IFTAP: variants seen among roughly 807,000 people sequenced by gnomAD.
The protein encoded by IFTAP is intraflagellar transport-associated protein.
In IFTAP, 19 loss-of-function variants were observed where a neutral mutation model predicts 19.4. The ratio of observed to expected loss-of-function variants is 0.98; its 90% CI spans 0.68 to 1.44. IFTAP has a LOEUF of 1.44. IFTAP is among the 40% of genes most tolerant of loss of function. The probability of loss-of-function intolerance (pLI) is 0.00; values close to 1 mark genes in which losing one functional copy is unlikely to be tolerated. For missense variants in IFTAP, 240 were observed against 253.6 expected (o/e 0.95, Z 0.36); for synonymous variants, 85 against 83.5 (o/e 1.02, Z -0.10).
chr11:36,623,109 T>G (rs1401577384), intron 2 of IFTAP, among the ~76,000 whole-genome samples: 3 of 152,144 alleles, frequency 2.0e-5, no homozygotes, highest in African/African-American at 7.2e-5. Flanking sequence ...TTTTACCTTA[T>G]GTACAAATCA....
chr11:36,599,295 A>T (rs778153054), intron 1 of IFTAP, among the ~76,000 whole-genome samples: 2 of 152,142 alleles, frequency 1.3e-5, no homozygotes, highest in African/African-American at 4.8e-5. Flanking sequence ...CGCCCAGCCT[A>T]TAATTTCTAA....
In IFTAP at chr11:36,627,841, T is replaced by TA. The variant is rs899415063; in HGVS notation, c.137-5434dup. Among the ~76,000 whole-genome samples, 48 of 150,224 alleles carry TA rather than the reference T, an allele frequency of 3.2e-4. 2 individuals are homozygous for TA. The highest frequency in any genetic ancestry group is 1.1e-3 in the African/African-American group (44 of 40,184). On this transcript the variant is annotated intron_variant, in intron 2 of 5. Transcript: ENST00000334307. ...TGCACCCACCATCACAGAGATTGTTTAAAAAAAAAGTTATCTAGGGCATGC... is the reference window on the plus strand; with the variant it reads ...TGCACCCACCATCACAGAGATTGTTTAAAAAAAAAAGTTATCTAGGGCATGC...
intron 2 of IFTAP, among the ~76,000 whole-genome samples, chr11:36,627,486 TA>T: frequency 6.6e-6 from 1 of 151,414 alleles, no homozygotes; most frequent in Admixed American, 6.6e-5. Context: ...TGCTTGTCTG[TA>T]AATATTACCT....
At chr11:36,635,599 C>T (rs1158106784) in intron 3 of IFTAP, among the ~76,000 whole-genome samples, 1 of 152,190 alleles carries the variant, frequency 6.6e-6, no homozygotes, top group East Asian at 1.9e-4. Flanking sequence ...AGTTTCTTCT[C>T]TCTGGCTCCT....
intron 5 of IFTAP, among the ~76,000 whole-genome samples, chr11:36,650,019 A>G (rs1019193323): frequency 6.6e-6 from 1 of 152,110 alleles, no homozygotes; most frequent in Non-Finnish European, 1.5e-5. Flanking sequence ...CTCAACTCGT[A>G]TATATTCTGC....
intron 4 of IFTAP, among the ~76,000 whole-genome samples, chr11:36,644,996 A>AATAATG (rs1853420846): frequency 1.2e-5 from 1 of 81,238 alleles, no homozygotes. Context: ...TTTAAAGTAT[A>AATAATG]ATAATAATAA....
intron 2 of IFTAP, among the ~76,000 whole-genome samples, chr11:36,631,945 C>T (rs1337027909): frequency 6.6e-6 from 1 of 151,148 alleles, no homozygotes; most frequent in African/African-American, 2.5e-5. Flanking sequence ...GCTCCCTGCC[C>T]CCACCTTTCT....
chr11:36,655,871 G>A (rs999964197), intron 5 of IFTAP, among the ~76,000 whole-genome samples: 6 of 151,986 alleles, frequency 3.9e-5, no homozygotes, highest in African/African-American at 7.3e-5. Flanking sequence ...TATCTTTACT[G>A]ACTTGCTGAA....
intron 2 of IFTAP, among the ~76,000 whole-genome samples, chr11:36,623,574 C>T (rs573396910): frequency 6.6e-6 from 1 of 152,278 alleles, no homozygotes; most frequent in Admixed American, 6.5e-5. Flanking sequence ...GGCACATGTT[C>T]TGTCCCAAGT....
intron 2 of IFTAP, among the ~76,000 whole-genome samples, chr11:36,630,057 C>T (rs1002548743): frequency 6.6e-6 from 1 of 151,092 alleles, no homozygotes; most frequent in East Asian, 1.9e-4. Flanking sequence ...AAAACAGAAA[C>T]AGAAGAAGAT....
At chr11:36,640,995 A>G (rs1565026041) in intron 4 of IFTAP, among the ~76,000 whole-genome samples, 2 of 151,870 alleles carry the variant, frequency 1.3e-5, no homozygotes, top group African/African-American at 4.8e-5. Flanking sequence ...CCTTTGAAAA[A>G]CTCTATGATT....
intron 2 of IFTAP, among the ~76,000 whole-genome samples, chr11:36,618,429 A>T (rs1315982220): frequency 6.6e-6 from 1 of 152,016 alleles, no homozygotes; most frequent in Admixed American, 6.6e-5. Flanking sequence ...TGGATGTGCT[A>T]CCTCAAAATA....
At chr11:36,598,010 A>G (rs1003119954) in intron 1 of IFTAP, 3 of 152,088 alleles carry the variant, frequency 2.0e-5, no homozygotes, top group African/African-American at 4.8e-5. Flanking sequence ...TGACTAACAC[A>G]CTGCCAAAAT....
At chr11:36,631,884 G>A (rs1000026201) in intron 2 of IFTAP, among the ~76,000 whole-genome samples, 4 of 151,114 alleles carry the variant, frequency 2.6e-5, no homozygotes, top group African/African-American at 7.4e-5. Context: ...TACCCTGCAC[G>A]CTTAGTTCTT....
chr11:36,654,801 C>T (rs1243482792), intron 5 of IFTAP, among the ~76,000 whole-genome samples: 3 of 152,008 alleles, frequency 2.0e-5, no homozygotes, highest in South Asian at 4.1e-4. Flanking sequence ...ATTTCACTTT[C>T]TACGGATTTT....
chr11:36,602,950 T>G (rs1462915351), intron 1 of IFTAP, among the ~76,000 whole-genome samples: 1 of 152,222 alleles, frequency 6.6e-6, no homozygotes, highest in African/African-American at 2.4e-5. Context: ...ACAGTTAATC[T>G]GTTTTTAAAA....
chr11:36,597,106 T>A (rs1436958393), intron 1 of IFTAP, among the ~76,000 whole-genome samples: 1 of 152,238 alleles, frequency 6.6e-6, no homozygotes, highest in Non-Finnish European at 1.5e-5. Context: ...AATTAATTTT[T>A]AGATTACTCA....
chr11:36,617,318 A>G (rs1852130719), intron 2 of IFTAP, among the ~76,000 whole-genome samples: 1 of 151,496 alleles, frequency 6.6e-6, no homozygotes, highest in Non-Finnish European at 1.5e-5. Context: ...ACTATTGACA[A>G]GTAGTTCTCA....
At chr11:36,648,354 A>T in intron 5 of IFTAP, 199 bp downstream of exon 5, 1 of 637,710 alleles carries the variant, frequency 1.6e-6, no homozygotes, top group Non-Finnish European at 2.5e-6. Context: ...TTATGTTTTT[A>T]TGTGGAAACC....
Sources: gnomAD v4.1 joint callset for allele counts (sites outside exome capture counted in the v4.1 genomes callset) on GRCh38, gnomAD v4.1.1 for gene constraint, MANE v1.5 for transcripts, NCBI Gene and HGNC (gene_info 2026-07-23, HGNC 2026-07-21) for gene names.